The following KBTBD2 variants were observed in gnomAD, a reference collection of about 807,000 sequenced individuals.
The protein encoded by KBTBD2 is kelch repeat and BTB domain containing 2, also known as kelch repeat and BTB domain-containing protein 2.
KBTBD2 carries 17 observed loss-of-function variants against 57.1 expected under a neutral mutation model. The observed-to-expected ratio is 0.30, with a 90% CI of 0.20 to 0.45. KBTBD2 has a LOEUF of 0.45. Ranked by LOEUF, KBTBD2 falls within the 20% of genes least tolerant of loss-of-function variation. The pLI is 1.00. For synonymous variants in KBTBD2, 267 were observed against 262.7 expected, an observed-to-expected ratio of 1.02 and a Z score of -0.16; for missense variants, 515 against 750.6, an observed-to-expected ratio of 0.69 and a Z score of 3.67.
chr7:32,869,384 A>G lies in KBTBD2; in HGVS notation c.1833T>C (p.Phe611=). 3 of 1,613,776 alleles carry G rather than the reference A, an allele frequency of 1.9e-6. No homozygotes were observed. The highest frequency in any genetic ancestry group is 2.5e-6 in the Non-Finnish European group (3 of 1,179,762). Residue 611 remains phenylalanine (F), a synonymous_variant, in exon 4 of 4, where the codon TTT becomes TTC. Transcript: ENST00000304056. The part of the protein sequence containing the change: ...YLFSTDGTEE[F]ELDGEMVALP... Reference sequence around the variant, plus strand: ...GTGCAACCATTTCTCCATCCAGTTCAAACTCTTCTGTCCCATCCGTTGAAA... The same window carrying G: ...GTGCAACCATTTCTCCATCCAGTTCGAACTCTTCTGTCCCATCCGTTGAAA...
chr7:32,879,507 A>G lies in KBTBD2; in HGVS notation c.98T>C (p.Ile33Thr). 2.5e-6 allele frequency: 4 copies of G among 1,613,128 alleles called. No homozygotes were observed. The highest frequency in any genetic ancestry group is 2.5e-6 in the Non-Finnish European group (3 of 1,179,192). Residue 33 changes from isoleucine to threonine, a missense_variant, in exon 2 of 4, where the codon ATA (isoleucine) becomes ACA (threonine). Coordinates refer to ENST00000304056, the MANE Select transcript of KBTBD2 (RefSeq NM_015483.3). ...TTCAGTGCCCTCAACAATTAACACT[A>G]TGTCAGTAAACAACTGCTGTTCATA... ...LFYEQQLFTD[I>T]VLIVEGTEFP... is the part of the protein sequence containing the mutation.
intron 1 of KBTBD2, among the ~76,000 whole-genome samples, chr7:32,885,210 A>C (rs1784547999): frequency 6.6e-6 from 1 of 151,726 alleles, no homozygotes; most frequent in South Asian, 2.1e-4. Flanking sequence ...TTAGTCAGTG[A>C]CTAAAATACG....
intron 1 of KBTBD2, among the ~76,000 whole-genome samples, chr7:32,886,919 C>T (rs537020924): frequency 6.6e-6 from 1 of 151,512 alleles, no homozygotes; most frequent in East Asian, 1.9e-4. Context: ...ATCCCAAATA[C>T]TTTTAAAGAT....
chr7:32,888,694 CAA>C (rs1229378677), intron 1 of KBTBD2, among the ~76,000 whole-genome samples: 38 of 98,418 alleles, frequency 3.9e-4, no homozygotes, highest in Admixed American at 4.2e-4. Context: ...GACTCCGTCC[CAA>C]AAAAAAAAAA....
chr7:32,883,702 G>T (rs547899838), intron 1 of KBTBD2, among the ~76,000 whole-genome samples: 1 of 152,304 alleles, frequency 6.6e-6, no homozygotes, highest in South Asian at 2.1e-4. Flanking sequence ...AGGTATCAAG[G>T]AAACTGTTGA....
rs776780974 is a variant in KBTBD2, at chr7:32,870,287, G to A, written c.930C>T (p.Thr310=). Residue 310 remains threonine, a synonymous_variant, in exon 4 of 4, where the codon ACC becomes ACT. Transcript: ENST00000304056. The part of the protein sequence containing the change: ...SPPADLHKVG[T]VVTPDNDIYI... ...AGATATCATTATCAGGAGTTACAACGGTCCCAACCTTATGCAAATCAGCTG... is the reference window on the plus strand; with the variant it reads ...AGATATCATTATCAGGAGTTACAACAGTCCCAACCTTATGCAAATCAGCTG... The A allele has an allele frequency of 1.9e-5, 30 of 1,613,926 alleles. No individual in the cohort carries two copies. The highest frequency in any genetic ancestry group is 3.3e-5 in the South Asian group (3 of 91,074).
At chr7:32,880,067 A>C (rs1562535256) in intron 1 of KBTBD2, 125 bp from the exon 2 acceptor site, 2 of 152,358 alleles carry the variant, frequency 1.3e-5, no homozygotes, top group Admixed American at 1.3e-4. Context: ...ATTACCATAA[A>C]AGTGAAACAT....
In KBTBD2 at chr7:32,869,573, T is replaced by C; in HGVS notation, c.1644A>G (p.Lys548=). 1 of 1,614,184 alleles carries C rather than the reference T, an allele frequency of 6.2e-7. No homozygotes were observed. Among genetic ancestry groups the C allele is most frequent in the Non-Finnish European group, 8.5e-7 (1 of 1,180,016 alleles). The change falls in exon 4 of 4, where the codon AAA becomes AAG. Residue 548 remains lysine, a synonymous_variant. Transcript: ENST00000304056. ...CCAGGTCATATTGGTAGGTGACGTA[T>C]TTAGCTCGCTCATTTAAGTGGGTTT... ...MRETHLNERA[K]YVTYQYDLEL...
chr7:32,878,305 G>A (rs1420790443), intron 2 of KBTBD2, among the ~76,000 whole-genome samples: 1 of 152,106 alleles, frequency 6.6e-6, no homozygotes, highest in Non-Finnish European at 1.5e-5. Flanking sequence ...AACAGGCGGT[G>A]CGCAGTGGCT....
chr7:32,876,300 T>C (rs1784309766), intron 2 of KBTBD2, among the ~76,000 whole-genome samples: 1 of 152,112 alleles, frequency 6.6e-6, no homozygotes, highest in Non-Finnish European at 1.5e-5. Flanking sequence ...GAAGAAGCCA[T>C]TCAAAATGGA....
intron 1 of KBTBD2, among the ~76,000 whole-genome samples, chr7:32,890,293 T>C (rs572028195): frequency 2.2e-4 from 34 of 152,306 alleles, no homozygotes; most frequent in Middle Eastern, 3.4e-3. Flanking sequence ...AAGCTTAACA[T>C]TAGTTATCAG....
intron 1 of KBTBD2, among the ~76,000 whole-genome samples, chr7:32,890,624 T>G (rs528689001): frequency 1.2e-4 from 19 of 152,310 alleles, no homozygotes; most frequent in African/African-American, 4.6e-4. Context: ...GACGTACAGA[T>G]TCAAGTATAA....
At chr7:32,877,070 G>C (rs1427377067) in intron 2 of KBTBD2, among the ~76,000 whole-genome samples, 1 of 152,120 alleles carries the variant, frequency 6.6e-6, no homozygotes, top group Non-Finnish European at 1.5e-5. Context: ...CCAGGCTGGA[G>C]TGCAGTGGTG....
rs999348241 is a variant in KBTBD2 at position 32,868,574 on chromosome 7, C to T, written c.*771G>A. 2.0e-5 allele frequency: 3 copies of T among 152,580 alleles called. No homozygotes were observed. Among genetic ancestry groups the T allele is most frequent in the Non-Finnish European group, 4.4e-5 (3 of 68,036 alleles). The allele number at this position is 152,580 out of a possible 1,614,324, so 9.5% of individuals were successfully genotyped here. A position where few individuals can be genotyped will look rare whatever the true frequency, so the allele number is the denominator to read the frequency against. On this transcript the variant is annotated 3_prime_UTR_variant, in exon 4 of 4. Coordinates refer to ENST00000304056, the MANE Select transcript of KBTBD2 (RefSeq NM_015483.3). ...TACATCAGCAGCAGATAGTTATATG[C>T]ATGAGCCAATGTTAACATAATACAG...
intron 1 of KBTBD2, among the ~76,000 whole-genome samples, chr7:32,884,570 A>C (rs1784522095): frequency 6.7e-6 from 1 of 150,184 alleles, no homozygotes; most frequent in East Asian, 2.0e-4. Context: ...CGTGCCTGTA[A>C]TCCCTGCTAC....
At chr7:32,876,094 C>T (rs1784305675) in intron 2 of KBTBD2, among the ~76,000 whole-genome samples, 1 of 152,130 alleles carries the variant, frequency 6.6e-6, no homozygotes, top group African/African-American at 2.4e-5. Flanking sequence ...ATGCAGGACA[C>T]TTTCCTAAAA....
At chr7:32,880,440 T>C (rs1784418485) in intron 1 of KBTBD2, among the ~76,000 whole-genome samples, 1 of 152,156 alleles carries the variant, frequency 6.6e-6, no homozygotes, top group Non-Finnish European at 1.5e-5. Flanking sequence ...AGATTCAAAC[T>C]GTTAATTTTC....
chr7:32,888,673 C>A lies in KBTBD2; in HGVS notation c.-339+2863G>T, dbSNP rs561140215. On this transcript the variant is annotated intron_variant, in intron 1 of 3. Coordinates refer to ENST00000304056, the MANE Select transcript of KBTBD2 (RefSeq NM_015483.3). The stretch of plus-strand genomic sequence containing the variant: ...TCGCATCACTGCACTCCAGCCTGGG[C>A]GACACAGCGAGACTCCGTCCCAAAA... 1.0e-4 allele frequency among the ~76,000 whole-genome samples: 15 copies of A among 147,838 alleles called. No individual in the cohort carries two copies. In the South Asian group the frequency reaches 2.4e-3, roughly 24 times the overall value.
At chr7:32,872,791 G>C (rs756698239) in intron 3 of KBTBD2, among the ~76,000 whole-genome samples, 4 of 152,190 alleles carry the variant, frequency 2.6e-5, no homozygotes, top group African/African-American at 7.2e-5. Flanking sequence ...TCAGAGTCTA[G>C]ATTTTTAGAT....
Sources: allele counts gnomAD v4.1 joint callset (sites outside exome capture counted in the v4.1 genomes callset), GRCh38; gene constraint gnomAD v4.1.1; transcripts MANE v1.5; gene names NCBI Gene and HGNC (gene_info 2026-07-23, HGNC 2026-07-21).